IPMK: variants seen among roughly 807,000 people sequenced by gnomAD.
IPMK encodes inositol polyphosphate multikinase, also known as inositol 1,3,4,6-tetrakisphosphate 5-kinase.
In IPMK, 17 loss-of-function variants were observed where a neutral mutation model predicts 45.8. The ratio of observed to expected loss-of-function variants is 0.37; its 90% confidence interval spans 0.25 to 0.56. IPMK has a LOEUF of 0.56. Among genes scored for constraint, IPMK ranks in the 20% least tolerant of loss-of-function variants. IPMK has a pLI of 0.79. For missense variants in IPMK, 399 were observed against 498.0 expected, an observed-to-expected ratio of 0.80 and a Z score of 1.89; for synonymous variants, 180 against 184.3, an observed-to-expected ratio of 0.98 and a Z score of 0.19.
intron 3 of IPMK, among the ~76,000 whole-genome samples, chr10:58,216,662 G>A (rs1188308501): frequency 6.6e-5 from 10 of 152,024 alleles, no homozygotes; most frequent in Non-Finnish European, 1.5e-4. Flanking sequence ...TATGCCATAT[G>A]TTTCAGCAGA....
At position 58,221,768 on chromosome 10, in the gene IPMK, A is replaced by T. The variant is rs192208500; in HGVS notation, c.373+5275T>A. On this transcript the variant is annotated intron_variant, in intron 3 of 5. Transcript: ENST00000373935. Reference sequence around the variant, plus strand: ...TTCTTTTCTCTTTATTTTATTTTTGAAACAGGGTCTCTCTCTGTCGCCCAG... The same window carrying T: ...TTCTTTTCTCTTTATTTTATTTTTGTAACAGGGTCTCTCTCTGTCGCCCAG... Among the ~76,000 whole-genome samples the T allele has an allele frequency of 3.3e-5, 5 of 151,876 alleles. No individual in the cohort carries two copies. In the East Asian group the frequency reaches 7.7e-4, roughly 23 times the overall value.
At chr10:58,231,974 TGGA>T (rs1838530652) in intron 2 of IPMK, among the ~76,000 whole-genome samples, 2 of 151,996 alleles carry the variant, frequency 1.3e-5, no homozygotes, top group Admixed American at 1.3e-4. Context: ...AATAAAGGGA[TGGA>T]GGAGGATCTA....
chr10:58,200,587 G>C (rs1173489713), intron 4 of IPMK, among the ~76,000 whole-genome samples: 1 of 152,152 alleles, frequency 6.6e-6, no homozygotes, highest in Non-Finnish European at 1.5e-5. Context: ...TGAGAATTTA[G>C]TATATGATAA....
At chr10:58,249,627 A>T (rs1011559514) in intron 1 of IPMK, among the ~76,000 whole-genome samples, 2 of 152,130 alleles carry the variant, frequency 1.3e-5, no homozygotes, top group Admixed American at 6.5e-5. Context: ...GATAGTCTAC[A>T]GATATTTTCT....
chr10:58,239,349 A>G (rs1445725499), intron 1 of IPMK, among the ~76,000 whole-genome samples: 1 of 152,202 alleles, frequency 6.6e-6, no homozygotes, highest in Non-Finnish European at 1.5e-5. Context: ...TCCCATGGTT[A>G]TAACATTTTC....
intron 1 of IPMK, among the ~76,000 whole-genome samples, chr10:58,239,890 G>A (rs1172083736): frequency 6.6e-6 from 1 of 152,118 alleles, no homozygotes; most frequent in Non-Finnish European, 1.5e-5. Context: ...ACTAAACTCA[G>A]TCCCTTACCC....
intron 1 of IPMK, among the ~76,000 whole-genome samples, chr10:58,242,262 C>G (rs2132168021): frequency 6.6e-6 from 1 of 152,134 alleles, no homozygotes; most frequent in East Asian, 1.9e-4. Context: ...TCGAGACCAT[C>G]TTGGCTAACA....
chr10:58,241,717 T>C (rs2132167781), intron 1 of IPMK, among the ~76,000 whole-genome samples: 1 of 152,260 alleles, frequency 6.6e-6, no homozygotes, highest in South Asian at 2.1e-4. Flanking sequence ...GGCAGACAGC[T>C]AACTCTCTAG....
intron 3 of IPMK, among the ~76,000 whole-genome samples, chr10:58,220,371 C>G (rs1838313620): frequency 6.6e-6 from 1 of 152,110 alleles, no homozygotes; most frequent in Admixed American, 6.6e-5. Flanking sequence ...AAGAACTTTT[C>G]CTTGTTGCTT....
chr10:58,241,377 G>C (rs1838694594), intron 1 of IPMK, among the ~76,000 whole-genome samples: 1 of 152,134 alleles, frequency 6.6e-6, no homozygotes, highest in African/African-American at 2.4e-5. Context: ...CACGAACATA[G>C]AGAAAACCAC....
At chr10:58,200,100 T>C (rs1012224942) in intron 4 of IPMK, among the ~76,000 whole-genome samples, 4 of 152,080 alleles carry the variant, frequency 2.6e-5, no homozygotes, top group African/African-American at 9.7e-5. Context: ...TAAAGTGAGA[T>C]TATAATAAAA....
intron 2 of IPMK, among the ~76,000 whole-genome samples, chr10:58,231,170 G>C (rs1416798365): frequency 6.6e-6 from 1 of 152,118 alleles, no homozygotes; most frequent in Non-Finnish European, 1.5e-5. Context: ...AAGAAATATG[G>C]GACTATGTGA....
intron 1 of IPMK, among the ~76,000 whole-genome samples, chr10:58,239,698 C>T (rs1466112055): frequency 6.6e-6 from 1 of 152,178 alleles, no homozygotes; most frequent in Non-Finnish European, 1.5e-5. Context: ...GTAATCTCGG[C>T]ATTCTCTAGG....
intron 1 of IPMK, among the ~76,000 whole-genome samples, chr10:58,247,172 T>C (rs889630509): frequency 6.8e-6 from 1 of 146,444 alleles, no homozygotes; most frequent in African/African-American, 2.7e-5. Context: ...CTGGAGAGGA[T>C]GTGGAGAAAT....
chr10:58,257,792 T>C (rs886615605), intron 1 of IPMK, among the ~76,000 whole-genome samples: 1 of 152,066 alleles, frequency 6.6e-6, no homozygotes, highest in African/African-American at 2.4e-5. Flanking sequence ...TCAGACTACA[T>C]AGTATTAGAG....
chr10:58,259,416 T>C (rs1024356442), intron 1 of IPMK, among the ~76,000 whole-genome samples: 10 of 151,850 alleles, frequency 6.6e-5, no homozygotes. Flanking sequence ...GCAGCAACAA[T>C]AATGGATATC....
rs376172839 is a variant in IPMK at position 58,237,693 on chromosome 10, C to T, written c.276+36G>A. 15 of 1,501,294 alleles carry T rather than the reference C, an allele frequency of 1.0e-5. No homozygotes were observed. The East Asian group carries it at 1.6e-4, about 16-fold the overall frequency. The allele number at this position is 1,501,294 out of a possible 1,614,324, so 93.0% of individuals were successfully genotyped here. ...CACCACCAGAAAACTCTGAAAAACA[C>T]TTTGAAGACAACAAAACAAATCTTA... On this transcript the variant is annotated intron_variant, in intron 2 of 5. Transcript: ENST00000373935.
chr10:58,248,290 T>G (rs537356648), intron 1 of IPMK, among the ~76,000 whole-genome samples: 12 of 152,228 alleles, frequency 7.9e-5, no homozygotes, highest in African/African-American at 2.6e-4. Context: ...ATACTGTACA[T>G]TTAAAAATGG....
chr10:58,197,289 A>G (rs1394410157), intron 5 of IPMK, among the ~76,000 whole-genome samples: 1 of 151,652 alleles, frequency 6.6e-6, no homozygotes, highest in Non-Finnish European at 1.5e-5. Flanking sequence ...ACAGAGCGAG[A>G]CTCCGTCTCA....
Sources: gnomAD v4.1 joint callset for allele counts (sites outside exome capture counted in the v4.1 genomes callset) on GRCh38, gnomAD v4.1.1 for gene constraint, MANE v1.5 for transcripts, NCBI Gene and HGNC (gene_info 2026-07-23, HGNC 2026-07-21) for gene names.